Variants in KDM6A observed in about 807,000 individuals in gnomAD.
KDM6A encodes lysine-specific demethylase 6A.
KDM6A carries 11 observed loss-of-function variants against 117.6 expected under a neutral mutation model. That is an observed-to-expected ratio of 0.09 (90% confidence interval 0.06 to 0.15). The LOEUF is 0.15. Ranked by LOEUF, KDM6A falls within the 10% of genes least tolerant of loss-of-function variation. The pLI is 1.00. For missense variants in KDM6A, 799 were observed against 1,077.3 expected (o/e 0.74, Z 3.62); for synonymous variants, 384 against 396.1 (o/e 0.97, Z 0.36).
intron 2 of KDM6A, among the ~76,000 whole-genome samples, chrX:44,877,998 C>CT (rs2031860639): frequency 9.0e-6 from 1 of 111,095 alleles, no homozygotes; most frequent in Non-Finnish European, 1.9e-5. Context: ...CTAGAGGTGG[C>CT]TTTTTTAAAT....
At chrX:44,916,031 ATTG>A (rs1345368180) in intron 2 of KDM6A, among the ~76,000 whole-genome samples, 4 of 111,556 alleles carry the variant, frequency 3.6e-5, no homozygotes, top group African/African-American at 1.3e-4. Context: ...ATCGTAATTT[ATTG>A]TTATAATCGT....
intron 6 of KDM6A, among the ~76,000 whole-genome samples, chrX:45,026,725 G>A (rs1035899898): frequency 1.9e-5 from 2 of 106,540 alleles, no homozygotes; most frequent in East Asian, 2.9e-4. Flanking sequence ...CAGCTACTCC[G>A]GAGGCTGAGA....
At chrX:44,960,373 A>G (rs1191002841) in intron 2 of KDM6A, among the ~76,000 whole-genome samples, 6 of 111,803 alleles carry the variant, frequency 5.4e-5, no homozygotes, top group African/African-American at 2.0e-4. Context: ...GGGAACCTTG[A>G]GAGAATTAGA....
At chrX:45,017,604 GGAAAT>G (rs891125337) in intron 5 of KDM6A, among the ~76,000 whole-genome samples, 2 of 111,794 alleles carry the variant, frequency 1.8e-5, no homozygotes, top group Non-Finnish European at 3.8e-5. Flanking sequence ...GTTTAGAAAA[GGAAAT>G]GAACTTACAT....
intron 2 of KDM6A, among the ~76,000 whole-genome samples, chrX:44,924,919 C>T (rs1266074350): frequency 9.0e-6 from 1 of 111,080 alleles, no homozygotes; most frequent in Non-Finnish European, 1.9e-5. Context: ...GAACTCTTGA[C>T]CTCAAGCGAT....
At chrX:45,059,153 G>T in intron 11 of KDM6A, 49 bp downstream of exon 11, 2 of 1,171,286 alleles carry the variant, frequency 1.7e-6, no homozygotes, top group Non-Finnish European at 2.3e-6. Flanking sequence ...ATACAAAGAT[G>T]GTTGCATCAC....
chrX:44,931,162 T>C (rs1348438153), intron 2 of KDM6A, among the ~76,000 whole-genome samples: 1 of 111,206 alleles, frequency 9.0e-6, no homozygotes, highest in African/African-American at 3.3e-5. Flanking sequence ...CCTCCCGGGT[T>C]GAAGAGATTC....
At chrX:44,893,190 AAAAC>A (rs2146613448) in intron 2 of KDM6A, among the ~76,000 whole-genome samples, 1 of 110,066 alleles carries the variant, frequency 9.1e-6, no homozygotes, top group South Asian at 3.8e-4. Flanking sequence ...ATCAAAAACA[AAAAC>A]AAAAAAAACC....
At chrX:44,923,038 T>C (rs1296296265) in intron 2 of KDM6A, among the ~76,000 whole-genome samples, 1 of 111,772 alleles carries the variant, frequency 8.9e-6, no homozygotes, top group Non-Finnish European at 1.9e-5. Context: ...TTTTCTCTCC[T>C]GTATTCATAA....
intron 6 of KDM6A, among the ~76,000 whole-genome samples, chrX:45,029,048 T>A (rs2042492537): frequency 8.9e-6 from 1 of 112,199 alleles, no homozygotes; most frequent in African/African-American, 3.2e-5. Flanking sequence ...TAAAGTGATT[T>A]CTGGTGCTAA....
At chrX:45,006,152 C>A (rs1188864760) in intron 4 of KDM6A, among the ~76,000 whole-genome samples, 3 of 86,541 alleles carry the variant, frequency 3.5e-5, no homozygotes, top group Non-Finnish European at 6.8e-5. Flanking sequence ...GCCAGTCCCC[C>A]CCAGCCCTGC....
At chrX:45,061,094 T>G (rs1030877863) in intron 14 of KDM6A, among the ~76,000 whole-genome samples, 14 of 111,502 alleles carry the variant, frequency 1.3e-4, no homozygotes, top group African/African-American at 4.2e-4. Flanking sequence ...GGCCATAGTT[T>G]GAGGGTGGGC....
chrX:44,878,758 A>G (rs906847592), intron 2 of KDM6A, among the ~76,000 whole-genome samples: 3 of 110,058 alleles, frequency 2.7e-5, no homozygotes, highest in African/African-American at 9.9e-5. Context: ...GTCTCACACT[A>G]TCCCCCAGGC....
chrX:44,986,051 G>A (rs1381662309), intron 4 of KDM6A, among the ~76,000 whole-genome samples: 1 of 111,306 alleles, frequency 9.0e-6, no homozygotes, highest in African/African-American at 3.3e-5. Flanking sequence ...GACTTTTTTT[G>A]GTTGGTAAGC....
intron 2 of KDM6A, among the ~76,000 whole-genome samples, chrX:44,882,283 C>G (rs1293894426): frequency 9.0e-6 from 1 of 111,648 alleles, no homozygotes; most frequent in Non-Finnish European, 1.9e-5. Context: ...AACTCATGAC[C>G]AGTCCTGTTT....
chrX:44,990,553 C>CACAAATAA (rs1556036472), intron 4 of KDM6A, among the ~76,000 whole-genome samples: 1 of 93,833 alleles, frequency 1.1e-5, no homozygotes, highest in East Asian at 3.4e-4. Context: ...TGTCTCAAAA[C>CACAAATAA]ATAAATAAAT....
In KDM6A at chrX:45,050,805, G is replaced by A. The variant is rs147058264; in HGVS notation, c.655-904G>A. On this transcript the variant is annotated intron_variant, in intron 8 of 29. Transcript: ENST00000611820. The stretch of plus-strand genomic sequence containing the variant: ...GTACTCTTGAGAACTGTGGCTAAAT[G>A]GTTTCATTTAGACATTTGCCTGTGA... Among the ~76,000 whole-genome samples, 197 of 110,784 alleles carry A rather than the reference G, an allele frequency of 1.8e-3. 3 individuals are homozygous for A. The highest frequency in any genetic ancestry group is 6.2e-3 in the African/African-American group (189 of 30,535).
intron 2 of KDM6A, among the ~76,000 whole-genome samples, chrX:44,895,068 CTTTTA>C (rs1236279944): frequency 1.5e-4 from 15 of 97,594 alleles, no homozygotes; most frequent in East Asian, 3.4e-4. Context: ...CGCCCAGCAA[CTTTTA>C]TTTTATTTAT....
chrX:45,018,486 C>T (rs912417262), intron 5 of KDM6A, among the ~76,000 whole-genome samples: 1 of 111,363 alleles, frequency 9.0e-6, no homozygotes, highest in African/African-American at 3.3e-5. Flanking sequence ...ACCCATGTTT[C>T]TTTGCGCCCG....
Sources: allele counts gnomAD v4.1 joint callset (sites outside exome capture counted in the v4.1 genomes callset), GRCh38; gene constraint gnomAD v4.1.1; transcripts MANE v1.5; gene names NCBI Gene and HGNC (gene_info 2026-07-23, HGNC 2026-07-21).